ZC3H18: variants seen among roughly 807,000 people sequenced by gnomAD.
ZC3H18 encodes the protein zinc finger CCCH-type containing 18.
Under a neutral mutation model 106.1 loss-of-function variants are expected in ZC3H18, and 8 were observed. That is an observed-to-expected ratio of 0.08 (90% confidence interval 0.04 to 0.14). ZC3H18 has a LOEUF of 0.14. ZC3H18 is among the 10% of genes least tolerant of loss of function. The pLI is 1.00. For synonymous variants in ZC3H18, 635 were observed against 522.1 expected (o/e 1.22, Z -2.95); for missense variants, 1,318 against 1,278.4 (o/e 1.03, Z -0.47).
Position 88,627,800 on chromosome 16 carries a change from T to C in ZC3H18, c.2269+18T>C, listed in dbSNP as rs1171539868. The C allele has an allele frequency of 6.2e-7, 1 of 1,609,960 alleles. No individual in the cohort carries two copies. The highest frequency in any genetic ancestry group is 1.7e-5 in the Admixed American group (1 of 59,946). ...GGAGAAAGGTACTCAGGAGCCCTGG[T>C]ACCTTTGGGGAGCAGCTCCCGGGGG... On this transcript the variant is annotated intron_variant, in intron 14 of 17. Coordinates refer to ENST00000301011, the MANE Select transcript of ZC3H18 (RefSeq NM_144604.4). The surrounding 1 kb of genome is among the most constrained non-coding windows in gnomAD (Gnocchi z 4.5).
Position 88,611,387 on chromosome 16 carries a change from C to CGACAAGGA in ZC3H18, c.1328_1335dup (p.Arg446ThrfsTer67). 8.6e-7 allele frequency: 1 copy of CGACAAGGA among 1,166,704 alleles called. No individual in the cohort carries two copies. The highest frequency in any genetic ancestry group is 1.3e-6 in the Non-Finnish European group (1 of 796,168). 72.3% of individuals were successfully genotyped at this position (1,166,704 alleles called of 1,614,324 possible). ...GCGAGCGAGAGCGGGAGCGCGAGCG[C>CGACAAGGA]GACAAGGAGCGGCAGCGGAGGAAGG... On this transcript the variant is annotated frameshift_variant, in exon 8 of 18. Coordinates refer to ENST00000301011, the MANE Select transcript of ZC3H18 (RefSeq NM_144604.4). LOFTEE classifies it high-confidence loss of function.
chr16:88,628,831 G>T lies in ZC3H18; in HGVS notation c.2543G>T (p.Arg848Leu). 1.9e-6 allele frequency: 3 copies of T among 1,614,038 alleles called. No homozygotes were observed. Among genetic ancestry groups the T allele is most frequent in the East Asian group, 2.2e-5 (1 of 44,874 alleles). ...KDRQSPPPAK[R>L]PNTSPDRGSR... ...AGGCAGAGCCCTCCTCCAGCCAAGC[G>T]GCCCAACACATCCCCAGACCGAGGT... The change falls in exon 16 of 18, where the codon CGG (arginine) becomes CTG (leucine). Residue 848 changes from arginine to leucine, a missense_variant. Around this residue, in one of 6 missense-constraint regions of ZC3H18, gnomAD observed 848 missense variants for 821.7 expected, o/e 1.03. Transcript: ENST00000301011.
intron 1 of ZC3H18, among the ~76,000 whole-genome samples, 164 bp downstream of exon 1, chr16:88,570,730 G>C (rs916314493): frequency 2.0e-5 from 3 of 151,618 alleles, no homozygotes; most frequent in African/African-American, 7.3e-5. Context: ...CCCAGGGAAG[G>C]GGACCTTGAG....
At chr16:88,608,661 C>T (rs1015449408) in intron 6 of ZC3H18, 1 of 222,072 alleles carries the variant, frequency 4.5e-6, no homozygotes. Flanking sequence ...CCACACCTGG[C>T]CCTCACTTCC....
chr16:88,616,776 C>A (rs76855278), intron 8 of ZC3H18, among the ~76,000 whole-genome samples: 1 of 152,114 alleles, frequency 6.6e-6, no homozygotes, highest in Non-Finnish European at 1.5e-5. Flanking sequence ...CAGGGAGATC[C>A]ATTTGGGAAG....
At chr16:88,591,249 C>T (rs1164150964) in intron 3 of ZC3H18, among the ~76,000 whole-genome samples, 2 of 151,564 alleles carry the variant, frequency 1.3e-5, no homozygotes, top group South Asian at 2.1e-4. Flanking sequence ...GGATTACAGG[C>T]GTGAGTCACT....
intron 3 of ZC3H18, among the ~76,000 whole-genome samples, chr16:88,589,506 A>G (rs1340822008): frequency 2.6e-5 from 4 of 152,258 alleles, no homozygotes; most frequent in Non-Finnish European, 2.9e-5. Flanking sequence ...GGCTCATGCC[A>G]CAATGTGGAC....
At chr16:88,617,385 G>A (rs1905684494) in intron 8 of ZC3H18, among the ~76,000 whole-genome samples, 1 of 152,230 alleles carries the variant, frequency 6.6e-6, no homozygotes, top group African/African-American at 2.4e-5. Flanking sequence ...GTTTTAAAAT[G>A]ATTAGAGCAG....
intron 6 of ZC3H18, among the ~76,000 whole-genome samples, chr16:88,608,255 G>C (rs1266032324): frequency 6.6e-6 from 1 of 152,226 alleles, no homozygotes; most frequent in African/African-American, 2.4e-5. Flanking sequence ...ACTCCTGGGG[G>C]AGCTCCTCCT....
chr16:88,601,634 C>G (rs1443541122), intron 6 of ZC3H18, among the ~76,000 whole-genome samples: 4 of 152,066 alleles, frequency 2.6e-5, no homozygotes, highest in Non-Finnish European at 5.9e-5. Flanking sequence ...CTCCCAGGAG[C>G]CGGTATCTAC....
chr16:88,592,383 G>T (rs1915805364), intron 3 of ZC3H18, among the ~76,000 whole-genome samples: 1 of 152,216 alleles, frequency 6.6e-6, no homozygotes. Context: ...CAGCAGGTCT[G>T]AGTGTCATCT....
Position 88,577,632 on chromosome 16 carries a change from G to C in ZC3H18, c.509G>C (p.Gly170Ala). 6.2e-7 allele frequency: 1 copy of C among 1,613,926 alleles called. No individual in the cohort carries two copies. Among genetic ancestry groups the C allele is most frequent in the South Asian group, 1.1e-5 (1 of 91,082 alleles). The change falls in exon 2 of 18, where the codon GGT becomes GCT. Residue 170 changes from glycine (G) to alanine (A), a missense_variant. Coordinates refer to ENST00000301011, the MANE Select transcript of ZC3H18 (RefSeq NM_144604.4). Reference protein sequence around the residue: ...EGTPREEGKAGVQSVGEKESL... With the variant: ...EGTPREEGKAAVQSVGEKESL... ...ACTCCCAGGGAGGAGGGGAAGGCTG[G>C]TGTTCAGAGTGTGGGAGAAAAGGAA...
At chr16:88,622,654 C>T (rs1906038137) in intron 9 of ZC3H18, 3 of 463,470 alleles carry the variant, frequency 6.5e-6, no homozygotes, top group East Asian at 3.9e-5. Context: ...ACAGGCCACA[C>T]TGGAGGGAGG....
At chr16:88,600,750 A>C (rs1268491568) in intron 6 of ZC3H18, among the ~76,000 whole-genome samples, 6 of 152,222 alleles carry the variant, frequency 3.9e-5, no homozygotes, top group Non-Finnish European at 1.5e-5. Flanking sequence ...GTCTTAACAG[A>C]AGAAGTGCCT....
At chr16:88,625,357 C>T in intron 13 of ZC3H18, 90 bp downstream of exon 13, 1 of 1,501,284 alleles carries the variant, frequency 6.7e-7, no homozygotes, top group East Asian at 2.5e-5. Context: ...GGCTGTCTCC[C>T]ACAGGTGGGC....
At chr16:88,593,555 T>C (rs1209400099) in intron 3 of ZC3H18, among the ~76,000 whole-genome samples, 1 of 152,228 alleles carries the variant, frequency 6.6e-6, no homozygotes, top group Non-Finnish European at 1.5e-5. Context: ...TGTGTGTGTC[T>C]CAGTACTCAG....
chr16:88,595,233 T>A (rs1453494585), intron 3 of ZC3H18, among the ~76,000 whole-genome samples: 1 of 152,206 alleles, frequency 6.6e-6, no homozygotes, highest in Non-Finnish European at 1.5e-5. Flanking sequence ...TCATCCTGTC[T>A]TGAAGCCAGA....
intron 1 of ZC3H18, among the ~76,000 whole-genome samples, chr16:88,572,504 C>T (rs1008185269): frequency 1.3e-5 from 2 of 152,010 alleles, no homozygotes; most frequent in Non-Finnish European, 2.9e-5. Context: ...CTGCCAAATG[C>T]AGAAAGCAAC....
rs371740351 is a variant in ZC3H18, at chr16:88,577,265, C to G, written c.142C>G (p.Leu48Val). ...CGGGGCGGGGGTGAGGGCTTCTGAT[C>G]TGGAGGATGAGGAAAGTGCAGCCAG... ...LDGAGVRASD[L>V]EDEESAARGP... The change falls in exon 2 of 18, where the codon CTG becomes GTG. Residue 48 changes from leucine to valine, a missense_variant. Physicochemically the swap from Leu to Val is conservative, Grantham distance 32. This residue lies in a region of ZC3H18 where 346 missense variants were observed against 269.0 expected (regional missense o/e 1.29). Coordinates refer to ENST00000301011, the MANE Select transcript of ZC3H18 (RefSeq NM_144604.4). The G allele has an allele frequency of 4.3e-4, 692 of 1,613,474 alleles. 2 individuals carry two copies. The South Asian group carries it at 6.3e-3, about 15-fold the overall frequency.
Sources: allele counts gnomAD v4.1 joint callset (sites outside exome capture counted in the v4.1 genomes callset), GRCh38; gene constraint gnomAD v4.1.1; regional missense constraint gnomAD v4.1.1; non-coding constraint Gnocchi (gnomAD v3.1); transcripts MANE v1.5; gene names NCBI Gene and HGNC (gene_info 2026-07-23, HGNC 2026-07-21).